ABCA1: variants seen among roughly 807,000 people sequenced by gnomAD.
ABCA1 encodes the protein ATP binding cassette subfamily A member 1, also known as phospholipid-transporting ATPase ABCA1.
A neutral mutation model predicts 262.5 loss-of-function variants in ABCA1; 133 were observed. The ratio of observed to expected loss-of-function variants is 0.51; its 90% CI spans 0.44 to 0.59. ABCA1 has a LOEUF of 0.59. ABCA1 is among the 20% of genes least tolerant of loss of function. ABCA1 has a pLI of 0.00. For missense variants in ABCA1, 2,452 were observed against 2,777.5 expected, an observed-to-expected ratio of 0.88 and a Z score of 2.63; for synonymous variants, 1,022 against 1,043.5, an observed-to-expected ratio of 0.98 and a Z score of 0.40.
chr9:104,863,659 TAAATTGAGCAAG>T (rs1446030822), intron 5 of ABCA1, among the ~76,000 whole-genome samples: 2 of 152,218 alleles, frequency 1.3e-5, no homozygotes, highest in African/African-American at 2.4e-5. Context: ...ATAGACAGAA[TAAATTGAGCAAG>T]ATTTACATCG....
intron 2 of ABCA1, among the ~76,000 whole-genome samples, chr9:104,902,689 C>T (rs1411606792): frequency 1.3e-5 from 2 of 152,088 alleles, no homozygotes; most frequent in Non-Finnish European, 2.9e-5. Context: ...GATGCTTTGA[C>T]ACTTTTGTTC....
At chr9:104,864,372 C>T (rs1041956167) in intron 5 of ABCA1, among the ~76,000 whole-genome samples, 2 of 152,100 alleles carry the variant, frequency 1.3e-5, no homozygotes, top group East Asian at 1.9e-4. Flanking sequence ...AAGCGACATC[C>T]GGGGTCACTT....
intron 1 of ABCA1, among the ~76,000 whole-genome samples, chr9:104,923,612 G>A (rs1842266268): frequency 6.6e-6 from 1 of 152,182 alleles, no homozygotes. Context: ...TGTTAGTGCT[G>A]GAGTTAAAGA....
At chr9:104,812,848 A>G in intron 27 of ABCA1, 126 bp from the exon 28 acceptor site, 1 of 1,229,330 alleles carries the variant, frequency 8.1e-7, no homozygotes, top group African/African-American at 1.5e-5. Context: ...GTTTCTCAGA[A>G]GTAAAGGGCT....
intron 14 of ABCA1, among the ~76,000 whole-genome samples, chr9:104,829,720 T>A (rs1266495013): frequency 6.6e-6 from 1 of 152,218 alleles, no homozygotes; most frequent in African/African-American, 2.4e-5. Context: ...TCTGAACTCC[T>A]GTGCCCTGTC....
chr9:104,828,424 C>T (rs1423833012), intron 15 of ABCA1, among the ~76,000 whole-genome samples: 1 of 152,202 alleles, frequency 6.6e-6, no homozygotes, highest in Non-Finnish European at 1.5e-5. Flanking sequence ...TCCCTCTGCC[C>T]AATCCTGCAT....
At position 104,802,051 on chromosome 9, in the gene ABCA1, T is replaced by C. The variant is rs1279090803; in HGVS notation, c.4698+3A>G. 2 of 1,613,986 alleles carry C rather than the reference T, an allele frequency of 1.2e-6. No homozygotes were observed. The highest frequency in any genetic ancestry group is 2.2e-5 in the East Asian group (1 of 44,886). ...CTGATACATCTTACGATAGATATTT[T>C]ACCTTGGCCAGCTTTAGGTGTTTCT... is the stretch of plus-strand genomic sequence containing the variant. On this transcript the variant is annotated splice_donor_region_variant and intron_variant, in intron 34 of 49. Coordinates refer to ENST00000374736, the MANE Select transcript of ABCA1 (RefSeq NM_005502.4).
At chr9:104,814,394 C>G (rs763783465) in intron 26 of ABCA1, 33 bp downstream of exon 26, 2 of 1,609,448 alleles carry the variant, frequency 1.2e-6, no homozygotes, top group African/African-American at 2.7e-5. Context: ...AAGGCACTAT[C>G]TTAAGTGTGC....
intron 19 of ABCA1, 54 bp downstream of exon 19, chr9:104,822,442 C>G: frequency 6.2e-7 from 1 of 1,607,742 alleles, no homozygotes; most frequent in Non-Finnish European, 8.5e-7. Flanking sequence ...ATTTCTAACT[C>G]TACTGCAGAA....
intron 8 of ABCA1, among the ~76,000 whole-genome samples, chr9:104,842,599 G>A (rs894122161): frequency 9.9e-5 from 15 of 152,172 alleles, no homozygotes; most frequent in African/African-American, 2.7e-4. Flanking sequence ...TATCTGGGAA[G>A]TGCTTCCTGA....
chr9:104,848,291 G>A lies in ABCA1; in HGVS notation c.721-2722C>T, dbSNP rs550411057. 5.3e-5 allele frequency among the ~76,000 whole-genome samples: 8 copies of A among 152,266 alleles called. No individual in the cohort carries two copies. In the East Asian group the frequency reaches 9.7e-4, roughly 18 times the overall value. ...ACACTGTGAGGTTTGGGGAGCTACT[G>A]TATCAGAATCACCTGTGGTGCTTGT... On this transcript the variant is annotated intron_variant, in intron 7 of 49. Coordinates refer to ENST00000374736, the MANE Select transcript of ABCA1 (RefSeq NM_005502.4).
At chr9:104,788,144 G>A in intron 45 of ABCA1, 90 bp from the exon 46 acceptor site, 1 of 1,384,920 alleles carries the variant, frequency 7.2e-7, no homozygotes, top group Non-Finnish European at 1.0e-6. Context: ...TTCTTTCACT[G>A]AGTAGGACTA....
intron 8 of ABCA1, among the ~76,000 whole-genome samples, chr9:104,844,833 G>A (rs1428947236): frequency 1.3e-5 from 2 of 152,224 alleles, no homozygotes; most frequent in Non-Finnish European, 2.9e-5. Flanking sequence ...ACAAGGCTGG[G>A]AGTCAGAAAG....
intron 32 of ABCA1, 103 bp from the exon 33 acceptor site, chr9:104,803,419 C>T (rs970287668): frequency 5.1e-6 from 6 of 1,180,840 alleles, no homozygotes; most frequent in South Asian, 1.2e-5. Context: ...AAGGAACGGA[C>T]AGAAATAACC....
chr9:104,844,197 C>T (rs971210280), intron 8 of ABCA1, among the ~76,000 whole-genome samples: 1 of 152,066 alleles, frequency 6.6e-6, no homozygotes, highest in Non-Finnish European at 1.5e-5. Flanking sequence ...CAAGGCATGT[C>T]AATGTCAGCT....
chr9:104,900,545 A>C lies in ABCA1; in HGVS notation c.66+3069T>G, dbSNP rs889830836. 3.2e-4 allele frequency among the ~76,000 whole-genome samples: 49 copies of C among 152,242 alleles called. 1 individual carries two copies. Among genetic ancestry groups the C allele is most frequent in the Admixed American group, 3.0e-3 (46 of 15,288 alleles). The stretch of plus-strand genomic sequence containing the variant: ...AAACCCTTAAGAGGTTCTGACGTCT[A>C]AACAATATAATCTAGAAATCTAAGC... On this transcript the variant is annotated intron_variant, in intron 2 of 49. Coordinates refer to ENST00000374736, the MANE Select transcript of ABCA1 (RefSeq NM_005502.4).
rs1340450404 is a variant in ABCA1, at chr9:104,788,028, C to A, written c.6096G>T (p.Leu2032=). Residue 2032 remains leucine (L), a synonymous_variant, in exon 46 of 50, where the codon CTG becomes CTT. Coordinates refer to ENST00000374736, the MANE Select transcript of ABCA1 (RefSeq NM_005502.4). ...GKVGEWAIRK[L]GLVKYGEKYA... ...ATTTTTCTCCATACTTCACGAGGCC[C>A]AGTTTCCGAATCGCCCACTCACCAA... 1 of 1,614,088 alleles carries A rather than the reference C, an allele frequency of 6.2e-7. No homozygotes were observed. Among genetic ancestry groups the A allele is most frequent in the Non-Finnish European group, 8.5e-7 (1 of 1,180,034 alleles).
At chr9:104,841,160 G>C (rs1467587972) in intron 8 of ABCA1, among the ~76,000 whole-genome samples, 1 of 152,190 alleles carries the variant, frequency 6.6e-6, no homozygotes, top group Non-Finnish European at 1.5e-5. Context: ...TCTGGGCCGG[G>C]TGCAGTGGCT....
intron 44 of ABCA1, 34 bp from the exon 45 acceptor site, chr9:104,788,601 G>C (rs767533576): frequency 3.7e-6 from 6 of 1,612,750 alleles, no homozygotes; most frequent in Non-Finnish European, 5.1e-6. Context: ...TAGATTTTAA[G>C]CAGGTAGAGA....
Sources: allele counts gnomAD v4.1 joint callset (sites outside exome capture counted in the v4.1 genomes callset), GRCh38; gene constraint gnomAD v4.1.1; transcripts MANE v1.5; gene names NCBI Gene and HGNC (gene_info 2026-07-23, HGNC 2026-07-21).